RAD51B: variants seen among roughly 807,000 people sequenced by gnomAD.
RAD51B encodes RAD51 paralog B.
RAD51B carries 38 observed loss-of-function variants against 42.2 expected under a neutral mutation model. The ratio of observed to expected loss-of-function variants is 0.90; its 90% confidence interval spans 0.70 to 1.18. RAD51B has a LOEUF of 1.18. RAD51B is among the 50% of genes most tolerant of loss of function. RAD51B has a pLI of 0.00. For missense variants in RAD51B, 373 were observed against 400.7 expected, an observed-to-expected ratio of 0.93 and a Z score of 0.59; for synonymous variants, 154 against 145.2, an observed-to-expected ratio of 1.06 and a Z score of -0.43.
At chr14:68,089,765 C>T (rs2077058597) in intron 7 of RAD51B, among the ~76,000 whole-genome samples, 1 of 152,082 alleles carries the variant, frequency 6.6e-6, no homozygotes, top group African/African-American at 2.4e-5. Context: ...CAGACTTTGG[C>T]AAAAGACCTT....
intron 10 of RAD51B, among the ~76,000 whole-genome samples, chr14:68,573,621 G>A (rs922070431): frequency 1.3e-5 from 2 of 152,248 alleles, no homozygotes; most frequent in African/African-American, 4.8e-5. Flanking sequence ...TCTCTCCCAC[G>A]GGGAATAAAG....
chr14:68,277,043 T>C lies in RAD51B; in HGVS notation c.757-14841T>C, dbSNP rs539859207. ...GAGTGTTAGGGAAGGAAGCCTTAAA[T>C]ATAAACTTTACTCTTTAACCTCCTT... On this transcript the variant is annotated intron_variant, in intron 7 of 10. Coordinates refer to ENST00000471583, the MANE Select transcript of RAD51B (RefSeq NM_133510.4). Among the ~76,000 whole-genome samples, 7 of 152,290 alleles carry C rather than the reference T, an allele frequency of 4.6e-5. No individual in the cohort carries two copies. The South Asian group carries it at 1.0e-3, about 23-fold the overall frequency.
At chr14:68,590,553 C>G (rs1890694911) in intron 10 of RAD51B, among the ~76,000 whole-genome samples, 1 of 152,138 alleles carries the variant, frequency 6.6e-6, no homozygotes, top group East Asian at 1.9e-4. Flanking sequence ...GGCAAAGGTG[C>G]CTGGGGCTGG....
intron 7 of RAD51B, among the ~76,000 whole-genome samples, chr14:68,207,037 G>T (rs1288564596): frequency 6.6e-6 from 1 of 151,956 alleles, no homozygotes; most frequent in Non-Finnish European, 1.5e-5. Context: ...TGATCCGCCC[G>T]CCTTGGCCTC....
chr14:67,897,674 A>G (rs1190542419), intron 7 of RAD51B, among the ~76,000 whole-genome samples: 4 of 144,972 alleles, frequency 2.8e-5, no homozygotes, highest in Non-Finnish European at 6.0e-5. Context: ...TTTGAGATGG[A>G]GTTTCGCTCT....
intron 10 of RAD51B, among the ~76,000 whole-genome samples, chr14:68,564,843 A>C (rs1388796837): frequency 6.6e-6 from 1 of 152,202 alleles, no homozygotes; most frequent in Non-Finnish European, 1.5e-5. Context: ...AACAAGTGCC[A>C]GTGGCCTGGC....
chr14:68,659,157 A>G (rs1595051234), intron 11 of RAD51B, among the ~76,000 whole-genome samples: 2 of 152,146 alleles, frequency 1.3e-5, no homozygotes, highest in South Asian at 4.1e-4. Context: ...CCTCCTCTCC[A>G]CCCACGGAGC....
chr14:68,152,142 C>A (rs1882084766), intron 7 of RAD51B, among the ~76,000 whole-genome samples: 1 of 152,038 alleles, frequency 6.6e-6, no homozygotes, highest in Non-Finnish European at 1.5e-5. Context: ...CCATGCCCAG[C>A]CATAAAGACT....
rs564026374 is a variant in RAD51B, at chr14:68,022,465, G to A, written c.756+135261G>A. 2.0e-5 allele frequency among the ~76,000 whole-genome samples: 3 copies of A among 152,206 alleles called. No homozygotes were observed. In the East Asian group the frequency reaches 5.8e-4, roughly 29 times the overall value. On this transcript the variant is annotated intron_variant, in intron 7 of 10. Transcript: ENST00000471583. ...TATATCCCCAGTATTGGGATGGATG[G>A]GTCAAATGGTAGCTCTGTTTTAAGT...
At chr14:68,563,693 T>G in intron 10 of RAD51B, 1 of 985,406 alleles carries the variant, frequency 1.0e-6, no homozygotes, top group East Asian at 1.1e-4. Flanking sequence ...CCCAGATTGC[T>G]CAAATTCACT....
chr14:68,059,776 G>C (rs986344929), intron 7 of RAD51B, among the ~76,000 whole-genome samples: 1 of 152,118 alleles, frequency 6.6e-6, no homozygotes, highest in Non-Finnish European at 1.5e-5. Context: ...CAATCACTTT[G>C]AGAGCAGTGG....
At chr14:67,944,341 T>G (rs2045315362) in intron 7 of RAD51B, among the ~76,000 whole-genome samples, 2 of 152,134 alleles carry the variant, frequency 1.3e-5, no homozygotes, top group South Asian at 4.1e-4. Flanking sequence ...GAAGTTATTT[T>G]CTTTCAAAAC....
At chr14:68,476,827 T>C (rs1420648656) in intron 10 of RAD51B, among the ~76,000 whole-genome samples, 3 of 152,244 alleles carry the variant, frequency 2.0e-5, no homozygotes, top group Admixed American at 1.3e-4. Context: ...TGTCTGTGTC[T>C]TTCTACAACA....
intron 7 of RAD51B, among the ~76,000 whole-genome samples, chr14:68,013,828 CAGGCATCCAGG>C (rs1309116285): frequency 2.0e-5 from 3 of 152,132 alleles, no homozygotes; most frequent in Non-Finnish European, 4.4e-5. Context: ...GTACAAAGGT[CAGGCATCCAGG>C]AGCTCATCCT....
At chr14:68,429,886 A>C (rs1393937367) in intron 9 of RAD51B, among the ~76,000 whole-genome samples, 1 of 151,052 alleles carries the variant, frequency 6.6e-6, no homozygotes, top group Non-Finnish European at 1.5e-5. Flanking sequence ...TTTAGGTCCA[A>C]CATGTAAGTC....
At chr14:67,899,756 A>T (rs1283801132) in intron 7 of RAD51B, among the ~76,000 whole-genome samples, 1 of 152,222 alleles carries the variant, frequency 6.6e-6, no homozygotes, top group East Asian at 1.9e-4. Flanking sequence ...TGTAGTGAGT[A>T]CATTTTAAAC....
chr14:68,604,390 C>T (rs1199123542), intron 10 of RAD51B, among the ~76,000 whole-genome samples: 2 of 152,142 alleles, frequency 1.3e-5, no homozygotes, highest in South Asian at 2.1e-4. Flanking sequence ...TTTTCAGCTT[C>T]GTACAATTAT....
intron 10 of RAD51B, among the ~76,000 whole-genome samples, chr14:68,553,720 G>A (rs1317475075): frequency 4.2e-5 from 6 of 142,022 alleles, no homozygotes; most frequent in Non-Finnish European, 9.3e-5. Context: ...GTGGAGGTGG[G>A]TGGGGGGAGG....
intron 7 of RAD51B, among the ~76,000 whole-genome samples, chr14:68,109,730 A>G (rs2077431303): frequency 6.6e-6 from 1 of 152,036 alleles, no homozygotes; most frequent in Non-Finnish European, 1.5e-5. Context: ...AGTGATGGAA[A>G]TAGAGGGCTG....
Sources: gnomAD v4.1 joint callset for allele counts (sites outside exome capture counted in the v4.1 genomes callset) on GRCh38, gnomAD v4.1.1 for gene constraint, MANE v1.5 for transcripts, NCBI Gene and HGNC (gene_info 2026-07-23, HGNC 2026-07-21) for gene names.